DIPK1A: variants seen among roughly 807,000 people sequenced by gnomAD.
DIPK1A encodes divergent protein kinase domain 1A.
A neutral mutation model predicts 40.8 loss-of-function variants in DIPK1A; 27 were observed. The ratio of observed to expected loss-of-function variants is 0.66; its 90% confidence interval spans 0.49 to 0.91. The LOEUF (loss-of-function observed/expected upper bound fraction) is 0.91. DIPK1A is among the 40% of genes least tolerant of loss of function. DIPK1A has a pLI of 0.00. For missense variants in DIPK1A, 412 were observed against 505.7 expected (o/e 0.81, Z 1.78); for synonymous variants, 166 against 171.3 (o/e 0.97, Z 0.24).
At chr1:92,832,740 T>C (rs965730982) in exon 5 of DIPK1A, 62 of 444,102 alleles carry the variant, frequency 1.4e-4, no homozygotes, top group Admixed American at 1.2e-4. Flanking sequence ...AGTTTTTAAT[T>C]ATTGGGGTAG....
chr1:92,908,435 A>G (rs1359549180), intron 1 of DIPK1A, among the ~76,000 whole-genome samples: 1 of 152,216 alleles, frequency 6.6e-6, no homozygotes, highest in Non-Finnish European at 1.5e-5. Context: ...CATGGAAAGG[A>G]TTTTGAGAAG....
At chr1:92,914,922 C>A (rs1649991992) in intron 1 of DIPK1A, among the ~76,000 whole-genome samples, 1 of 151,648 alleles carries the variant, frequency 6.6e-6, no homozygotes, top group South Asian at 2.1e-4. Flanking sequence ...CCCATCTCTA[C>A]TAAAAATACA....
intron 3 of DIPK1A, among the ~76,000 whole-genome samples, chr1:92,849,006 AAAGT>A (rs764783571): frequency 1.5e-4 from 23 of 152,198 alleles, no homozygotes; most frequent in Non-Finnish European, 2.5e-4. Flanking sequence ...TCTCTGATGA[AAAGT>A]AAGGTAGAAT....
chr1:92,958,601 C>T (rs1231021051), intron 1 of DIPK1A, among the ~76,000 whole-genome samples: 2 of 152,194 alleles, frequency 1.3e-5, no homozygotes, highest in Admixed American at 6.5e-5. Context: ...GTTATACCCT[C>T]ACTCTAAATT....
chr1:92,882,965 C>T (rs1426324559), intron 1 of DIPK1A, among the ~76,000 whole-genome samples: 2 of 152,180 alleles, frequency 1.3e-5, no homozygotes, highest in East Asian at 1.9e-4. Context: ...GGCTCTAACT[C>T]GGTTGTGCCA....
chr1:92,837,351 C>T (rs374993851), downstream of DIPK1A: 208 of 968,112 alleles, frequency 2.1e-4, 2 homozygotes, highest in South Asian at 1.6e-3. Context: ...GCATATGATG[C>T]GATAATTGTT....
At chr1:92,886,123 A>T (rs1478972891) in intron 1 of DIPK1A, among the ~76,000 whole-genome samples, 1 of 152,068 alleles carries the variant, frequency 6.6e-6, no homozygotes, top group African/African-American at 2.4e-5. Flanking sequence ...GCTTGAGTCC[A>T]GGAGTTCGAG....
At chr1:92,945,368 T>G (rs943262963) in intron 1 of DIPK1A, among the ~76,000 whole-genome samples, 1 of 152,174 alleles carries the variant, frequency 6.6e-6, no homozygotes, top group East Asian at 1.9e-4. Flanking sequence ...GTATGTACCC[T>G]GATTACAAGG....
intron 4 of DIPK1A, chr1:92,845,508 GAAAAAAAAA>G (rs552078855): frequency 5.0e-6 from 1 of 198,458 alleles, no homozygotes; most frequent in Non-Finnish European, 8.8e-6. Flanking sequence ...GTCTATGCTA[GAAAAAAAAA>G]AAAAAAAAAA....
chr1:92,895,438 T>C (rs1649116207), intron 1 of DIPK1A, among the ~76,000 whole-genome samples: 1 of 152,070 alleles, frequency 6.6e-6, no homozygotes, highest in African/African-American at 2.4e-5. Flanking sequence ...GAAAAGGCCT[T>C]TGACAAAATT....
chr1:92,890,877 T>C (rs527243069), intron 1 of DIPK1A, among the ~76,000 whole-genome samples: 1 of 152,292 alleles, frequency 6.6e-6, no homozygotes, highest in East Asian at 1.9e-4. Flanking sequence ...TGGGAGAGTT[T>C]GAGAATTGGT....
chr1:92,835,051 A>T, intron 4 of DIPK1A: 1 of 1,232,974 alleles, frequency 8.1e-7, no homozygotes. Context: ...TGCTTTGTTA[A>T]TGGATCTATC....
chr1:92,932,669 G>A lies in DIPK1A; in HGVS notation c.54+28707C>T, dbSNP rs187499619. 3.9e-5 allele frequency: 6 copies of A among 152,250 alleles called. No individual in the cohort carries two copies. The East Asian group carries it at 1.2e-3, about 29-fold the overall frequency. 9.4% of individuals were successfully genotyped at this position (152,250 alleles called of 1,614,324 possible). On this transcript the variant is annotated intron_variant, in intron 1 of 4. Coordinates refer to ENST00000370310, the MANE Select transcript of DIPK1A (RefSeq NM_001006605.5). ...TCAGACATACCCTACCTGATTAAAT[G>A]TGTATTCCTAAGTGAAAGAAGCCAA...
rs182975123 is a variant in DIPK1A, at chr1:92,901,816, G to T, written c.55-25386C>A. ...ATGACTATATACCCCAAGGAGAGGG[G>T]TGTCAGCAGCTCAGACTCTAGGGAG... On this transcript the variant is annotated intron_variant, in intron 1 of 4. Transcript: ENST00000370310. Among the ~76,000 whole-genome samples the T allele has an allele frequency of 7.2e-5, 11 of 152,244 alleles. No homozygotes were observed. The East Asian group carries it at 1.7e-3, about 24-fold the overall frequency.
At chr1:92,886,815 T>A (rs983924620) in intron 1 of DIPK1A, among the ~76,000 whole-genome samples, 2 of 151,944 alleles carry the variant, frequency 1.3e-5, no homozygotes, top group African/African-American at 2.4e-5. Context: ...AAATCCAGTC[T>A]GCTGCTTGGT....
downstream of DIPK1A, chr1:92,840,460 T>C: frequency 1.1e-6 from 1 of 924,216 alleles, no homozygotes; most frequent in Non-Finnish European, 1.8e-6. Context: ...TTTGAGAATC[T>C]GGCTTAGAAG....
At chr1:92,957,278 C>T (rs1326853271) in intron 1 of DIPK1A, among the ~76,000 whole-genome samples, 1 of 152,184 alleles carries the variant, frequency 6.6e-6, no homozygotes, top group Non-Finnish European at 1.5e-5. Flanking sequence ...AAGTAGTATG[C>T]ACCATAATGG....
intron 1 of DIPK1A, among the ~76,000 whole-genome samples, chr1:92,913,514 T>A (rs753355053): frequency 1.2e-4 from 18 of 152,218 alleles, no homozygotes; most frequent in Non-Finnish European, 2.2e-4. Context: ...TATTGGCTCC[T>A]TTTGTATTAA....
At chr1:92,950,386 G>A (rs1188664854) in intron 1 of DIPK1A, among the ~76,000 whole-genome samples, 2 of 152,108 alleles carry the variant, frequency 1.3e-5, no homozygotes, top group African/African-American at 2.4e-5. Context: ...AATGAAGAGC[G>A]GTGCTCAGAA....
Sources: gnomAD v4.1 joint callset for allele counts (sites outside exome capture counted in the v4.1 genomes callset) on GRCh38, gnomAD v4.1.1 for gene constraint, MANE v1.5 for transcripts, NCBI Gene and HGNC (gene_info 2026-07-23, HGNC 2026-07-21) for gene names.